LAMC2: variants seen among roughly 807,000 people sequenced by gnomAD.
LAMC2 encodes laminin subunit gamma 2.
Under a neutral mutation model 140.2 loss-of-function variants are expected in LAMC2, and 97 were observed. The ratio of observed to expected loss-of-function variants is 0.69; its 90% CI spans 0.59 to 0.82. LAMC2 has a LOEUF of 0.82. Among genes scored for constraint, LAMC2 ranks in the 40% least tolerant of loss-of-function variants. The pLI is 0.00. For synonymous variants in LAMC2, 513 were observed against 540.2 expected (o/e 0.95, Z 0.70); for missense variants, 1,402 against 1,476.1 (o/e 0.95, Z 0.82).
chr1:183,218,277 CGAA>C, intron 3 of LAMC2, 110 bp from the exon 4 acceptor site: 6 of 858,930 alleles, frequency 7.0e-6, no homozygotes, highest in Admixed American at 1.9e-5. Context: ...GAAGCCTCAT[CGAA>C]GAAGGACTGC....
chr1:183,192,950 C>T (rs913233764), intron 1 of LAMC2, among the ~76,000 whole-genome samples: 1 of 152,212 alleles, frequency 6.6e-6, no homozygotes, highest in African/African-American at 2.4e-5. Context: ...CGTGATCTGC[C>T]CGCCTCGGCC....
At position 183,239,263 on chromosome 1, in the gene LAMC2, TA is replaced by T. The variant is rs1002301291; in HGVS notation, c.2870-99del. 10 of 1,058,742 alleles carry T rather than the reference TA, an allele frequency of 9.4e-6. No homozygotes were observed. In the African/African-American group the frequency reaches 1.6e-4, roughly 17 times the overall value. The allele number at this position is 1,058,742 out of a possible 1,614,324, so 65.6% of individuals were successfully genotyped here. ...CCACACCGTCATCCCCAGTCAGTAATAACACTCTTTCAGGAATTTTTCTTTA... is the reference window on the plus strand; with the variant it reads ...CCACACCGTCATCCCCAGTCAGTAATACACTCTTTCAGGAATTTTTCTTTA... On this transcript the variant is annotated intron_variant, in intron 19 of 22. Transcript: ENST00000264144.
chr1:183,251,913 G>T, the LAMC2 span: 1 of 157,512 alleles, frequency 6.3e-6, no homozygotes, highest in Non-Finnish European at 1.4e-5. Flanking sequence ...GTGCGTGCGC[G>T]GGTGCACACG....
chr1:183,245,995 C>G (rs894125383), downstream of LAMC2, among the ~76,000 whole-genome samples: 1 of 152,050 alleles, frequency 6.6e-6, no homozygotes, highest in African/African-American at 2.4e-5. Context: ...TGGTGAAACC[C>G]CGTCTCTACT....
intron 11 of LAMC2, among the ~76,000 whole-genome samples, chr1:183,230,666 A>T (rs1274691369): frequency 6.6e-6 from 1 of 152,174 alleles, no homozygotes; most frequent in Non-Finnish European, 1.5e-5. Flanking sequence ...GGCCCAGAAG[A>T]AATGTTATTC....
downstream of LAMC2, among the ~76,000 whole-genome samples, chr1:183,247,173 A>G (rs1250832187): frequency 3.3e-5 from 5 of 152,140 alleles, no homozygotes; most frequent in East Asian, 9.7e-4. Flanking sequence ...TTAACTGCGC[A>G]TGGTGGCAGG....
rs992130249 is a variant in LAMC2 at position 183,228,658 on chromosome 1, C to T, written c.1714+39C>T. On this transcript the variant is annotated intron_variant, in intron 11 of 22. Transcript: ENST00000264144. The surrounding 1 kb of genome is among the most constrained non-coding windows in gnomAD (Gnocchi z 4.3). ...CCAGGCAGGCTGTGTCTGTGCGTGC[C>T]TGTGTACGTATGCACTTGCTTGCCA... is the stretch of plus-strand genomic sequence containing the variant. 7 of 1,612,114 alleles carry T rather than the reference C, an allele frequency of 4.3e-6. No individual in the cohort carries two copies. The highest frequency in any genetic ancestry group is 1.1e-5 in the South Asian group (1 of 90,998).
chr1:183,226,509 G>A lies in LAMC2; in HGVS notation c.1067-189G>A, dbSNP rs954509565. Among the ~76,000 whole-genome samples, 65 of 152,244 alleles carry A rather than the reference G, an allele frequency of 4.3e-4. 1 individual carries two copies. The highest frequency in any genetic ancestry group is 1.3e-3 in the African/African-American group (52 of 41,536). On this transcript the variant is annotated intron_variant, in intron 8 of 22. Coordinates refer to ENST00000264144, the MANE Select transcript of LAMC2 (RefSeq NM_005562.3). ...GGGTGGATTCAGAATTTAAGCCCTG[G>A]GTTTTCTGACCCCAGAGCCTGTGTG... is the stretch of plus-strand genomic sequence containing the variant.
intron 1 of LAMC2, among the ~76,000 whole-genome samples, chr1:183,194,955 C>T (rs1658467814): frequency 6.6e-6 from 1 of 152,194 alleles, no homozygotes; most frequent in East Asian, 1.9e-4. Flanking sequence ...ACAATCACTT[C>T]CTGAGTCTAT....
intron 1 of LAMC2, among the ~76,000 whole-genome samples, chr1:183,188,736 C>A (rs375714458): frequency 1.3e-5 from 2 of 152,200 alleles, no homozygotes; most frequent in Non-Finnish European, 2.9e-5. Context: ...AAGACCAAGG[C>A]TCCCCTTCAG....
At position 183,237,391 on chromosome 1, in the gene LAMC2, C is replaced by T. The variant is rs1659998721; in HGVS notation, c.2641C>T (p.Leu881Phe). Residue 881 changes from leucine (L) to phenylalanine (F), a missense_variant, in exon 18 of 23, where the codon CTC becomes TTC. Physicochemically the swap from Leu to Phe is conservative, Grantham distance 22. This residue lies in a region of LAMC2 where 670 missense variants were observed against 667.2 expected (regional missense o/e 1.00). Coordinates refer to ENST00000264144, the MANE Select transcript of LAMC2 (RefSeq NM_005562.3). ...GAGGATCAAACAAAAAGCGGATTCA[C>T]TCTCAAGCCTGGTAACCAGGCATAT... Reference protein sequence around the residue: ...AKRIKQKADSLSSLVTRHMDE... With the variant: ...AKRIKQKADSFSSLVTRHMDE... The T allele has an allele frequency of 6.2e-7, 1 of 1,614,028 alleles. No individual in the cohort carries two copies. Among genetic ancestry groups the T allele is most frequent in the Admixed American group, 1.7e-5 (1 of 60,002 alleles).
chr1:183,195,969 T>C (rs1417751965), intron 1 of LAMC2, among the ~76,000 whole-genome samples: 1 of 152,200 alleles, frequency 6.6e-6, no homozygotes, highest in Non-Finnish European at 1.5e-5. Context: ...AAAACATTCA[T>C]CTTTTCATCT....
chr1:183,227,318 G>T (rs1659655851), intron 9 of LAMC2, among the ~76,000 whole-genome samples, 197 bp from the exon 10 acceptor site: 2 of 152,144 alleles, frequency 1.3e-5, no homozygotes, highest in Admixed American at 1.3e-4. Flanking sequence ...TTTGCATAGG[G>T]GAGTGAGGGT....
intron 16 of LAMC2, 111 bp from the exon 17 acceptor site, chr1:183,236,349 A>AC: frequency 4.0e-6 from 4 of 1,005,876 alleles, no homozygotes; most frequent in Middle Eastern, 6.5e-4. Context: ...TGATCACGCC[A>AC]CTGCACTCCA....
intron 1 of LAMC2, among the ~76,000 whole-genome samples, chr1:183,191,606 C>T (rs895810193): frequency 3.3e-5 from 5 of 151,732 alleles, no homozygotes; most frequent in Admixed American, 2.0e-4. Context: ...GCCTTTAATC[C>T]CAGCACTTTG....
At chr1:183,230,265 C>T (rs550456018) in intron 11 of LAMC2, among the ~76,000 whole-genome samples, 8 of 152,062 alleles carry the variant, frequency 5.3e-5, no homozygotes, top group Non-Finnish European at 8.8e-5. Flanking sequence ...TCGAAGAGTC[C>T]GTATGATAAT....
chr1:183,215,606 AC>A lies in LAMC2; in HGVS notation c.404+20del, dbSNP rs748591018. 8 of 1,614,104 alleles carry A rather than the reference AC, an allele frequency of 5.0e-6. 2 individuals carry two copies. In the South Asian group the frequency reaches 8.8e-5, roughly 18 times the overall value. On this transcript the variant is annotated intron_variant, in intron 3 of 22. Transcript: ENST00000264144. ...AGACTGCTGTGAGTATTTGCATCCC[AC>A]CATGGCTGTCACTAACTCAGTGATG...
chr1:183,223,064 G>A, intron 6 of LAMC2, 71 bp from the exon 7 acceptor site: 1 of 1,457,404 alleles, frequency 6.9e-7, no homozygotes, highest in Non-Finnish European at 9.6e-7. Context: ...GCCGACACCA[G>A]TGCAAACTTG....
intron 22 of LAMC2, 104 bp from the exon 23 acceptor site, chr1:183,243,043 C>A: frequency 7.9e-7 from 1 of 1,262,204 alleles, no homozygotes; most frequent in Non-Finnish European, 1.1e-6. Flanking sequence ...TTGCTCTAGG[C>A]AAGTGGAAAT....
Sources: gnomAD v4.1 joint callset for allele counts (sites outside exome capture counted in the v4.1 genomes callset) on GRCh38, gnomAD v4.1.1 for gene constraint, gnomAD v4.1.1 regional missense constraint, Gnocchi (gnomAD v3.1) non-coding constraint, MANE v1.5 for transcripts, NCBI Gene and HGNC (gene_info 2026-07-23, HGNC 2026-07-21) for gene names.